Variants in RUFY3 observed in about 807,000 individuals in gnomAD.
The protein encoded by RUFY3 is protein RUFY3.
A neutral mutation model predicts 84.0 loss-of-function variants in RUFY3; 34 were observed. That is an observed-to-expected ratio of 0.40 (90% CI 0.31 to 0.54). The LOEUF (loss-of-function observed/expected upper bound fraction) is 0.54. Ranked by LOEUF, RUFY3 falls within the 20% of genes least tolerant of loss-of-function variation. The pLI, the probability that RUFY3 is intolerant of heterozygous loss-of-function variation, is 0.39. For synonymous variants in RUFY3, 242 were observed against 252.9 expected (o/e 0.96, Z 0.41); for missense variants, 507 against 736.8 (o/e 0.69, Z 3.61).
intron 1 of RUFY3, among the ~76,000 whole-genome samples, chr4:70,713,978 AG>A (rs1212596370): frequency 6.6e-6 from 1 of 152,228 alleles, no homozygotes; most frequent in East Asian, 1.9e-4. Flanking sequence ...CACTTATCAT[AG>A]TGCAGTTATG....
upstream of RUFY3, chr4:70,704,301 C>CAAAA (rs1190765869): frequency 1.3e-5 from 2 of 152,226 alleles, no homozygotes; most frequent in African/African-American, 2.4e-5. Context: ...GCTCAATACT[C>CAAAA]CAAACAGTGA....
rs532488105 is a variant in RUFY3 at position 70,715,959 on chromosome 4, A to C, written c.358+10665A>C. 4.6e-5 allele frequency among the ~76,000 whole-genome samples: 7 copies of C among 152,050 alleles called. No homozygotes were observed. In the South Asian group the frequency reaches 1.5e-3, roughly 32 times the overall value. ...AAACCCCATCTGTACTAAAAATATA[A>C]AAAATTAGCCAGGCATGAATGGCAT... On this transcript the variant is annotated intron_variant, in intron 1 of 11. Transcript: ENST00000417478.
At chr4:70,738,356 C>CTTTTTTT (rs60916183) in intron 1 of RUFY3, among the ~76,000 whole-genome samples, 1 of 60,540 alleles carries the variant, frequency 1.7e-5, no homozygotes, top group African/African-American at 8.3e-5. Flanking sequence ...GGTGTTTCAT[C>CTTTTTTT]TTTTTTTTTT....
At chr4:70,735,000 C>G (rs78433495) in intron 1 of RUFY3, among the ~76,000 whole-genome samples, 85 of 152,294 alleles carry the variant, frequency 5.6e-4, no homozygotes, top group Non-Finnish European at 1.1e-3. Flanking sequence ...GTCATTTGTC[C>G]TAAACTAATC....
At chr4:70,733,052 G>A (rs925919048) in intron 1 of RUFY3, among the ~76,000 whole-genome samples, 2 of 142,386 alleles carry the variant, frequency 1.4e-5, no homozygotes, top group Non-Finnish European at 3.0e-5. Flanking sequence ...GGGCAACAGA[G>A]TGAGACTCCA....
chr4:70,793,290 T>C, intron 12 of RUFY3: 1 of 997,268 alleles, frequency 1.0e-6, no homozygotes, highest in Non-Finnish European at 1.2e-6. Context: ...CATGATTTAA[T>C]ATATGTGGTT....
intron 1 of RUFY3, among the ~76,000 whole-genome samples, chr4:70,743,260 C>T (rs1037835747): frequency 6.6e-5 from 10 of 151,748 alleles, no homozygotes; most frequent in Non-Finnish European, 1.5e-4. Context: ...TTAGTAGAGA[C>T]GGGGTTTCAA....
chr4:70,738,942 A>G (rs1720858086), intron 1 of RUFY3, among the ~76,000 whole-genome samples: 2 of 150,410 alleles, frequency 1.3e-5, no homozygotes, highest in South Asian at 4.2e-4. Flanking sequence ...TCTTGAACTC[A>G]TGGGCTAGGC....
intron 1 of RUFY3, among the ~76,000 whole-genome samples, chr4:70,755,937 C>T (rs1400148277): frequency 3.4e-5 from 5 of 146,226 alleles, no homozygotes; most frequent in East Asian, 2.0e-4. Flanking sequence ...GGTGACAGAG[C>T]GAGATTCTGT....
At chr4:70,718,853 T>C (rs1347718137), upstream of RUFY3, among the ~76,000 whole-genome samples, 2 of 151,940 alleles carry the variant, frequency 1.3e-5, no homozygotes, top group African/African-American at 4.8e-5. Flanking sequence ...GAGTAGCAGA[T>C]TACAGGCATG....
intron 1 of RUFY3, among the ~76,000 whole-genome samples, chr4:70,750,313 A>G (rs1185156249): frequency 6.6e-6 from 1 of 152,206 alleles, no homozygotes; most frequent in Non-Finnish European, 1.5e-5. Context: ...TTTTAAAGCA[A>G]ACTCCAAACA....
In RUFY3 at chr4:70,740,102, C is replaced by CT. The variant is rs1721087036; in HGVS notation, c.178+17352dup. Reference sequence around the variant, plus strand: ...TCTGAAAAGATTTAAGCTGGTGGCACTGTAAACATCTACCCTTAAGGTACA... The same window carrying CT: ...TCTGAAAAGATTTAAGCTGGTGGCACTTGTAAACATCTACCCTTAAGGTACA... On this transcript the variant is annotated intron_variant, in intron 1 of 17. Coordinates refer to ENST00000381006, the MANE Select transcript of RUFY3 (RefSeq NM_001037442.4). 3.3e-5 allele frequency among the ~76,000 whole-genome samples: 5 copies of CT among 151,982 alleles called. No homozygotes were observed. The South Asian group carries it at 1.0e-3, about 32-fold the overall frequency.
intron 1 of RUFY3, among the ~76,000 whole-genome samples, chr4:70,731,109 C>T (rs1309022322): frequency 6.6e-6 from 1 of 150,890 alleles, no homozygotes; most frequent in Non-Finnish European, 1.5e-5. Context: ...GCGATTTCGG[C>T]TCACTGCAAC....
At chr4:70,744,016 A>G (rs1456277713) in intron 1 of RUFY3, among the ~76,000 whole-genome samples, 1 of 152,188 alleles carries the variant, frequency 6.6e-6, no homozygotes, top group Admixed American at 6.6e-5. Context: ...TTACCTGCAC[A>G]TAACACACAA....
chr4:70,707,328 TG>T (rs1290122057), intron 1 of RUFY3, among the ~76,000 whole-genome samples: 1 of 152,200 alleles, frequency 6.6e-6, no homozygotes, highest in Admixed American at 6.5e-5. Context: ...GCATGACCTC[TG>T]CTCACTGCAA....
rs1253451136 is a variant in RUFY3 at position 70,744,684 on chromosome 4, C to T, written c.179-17835C>T. Among the ~76,000 whole-genome samples the T allele has an allele frequency of 9.3e-5, 11 of 118,228 alleles. No individual in the cohort carries two copies. In the East Asian group the frequency reaches 2.2e-3, roughly 24 times the overall value. 77.6% of individuals were successfully genotyped at this position (118,228 alleles called of 152,430 possible). On this transcript the variant is annotated intron_variant, in intron 1 of 17. Coordinates refer to ENST00000381006, the MANE Select transcript of RUFY3 (RefSeq NM_001037442.4). Reference sequence around the variant, plus strand: ...TTTTTTTTTTTTTGAGATGGAGTTTCGCTCTTGTTGCCCAGGCTGGAGTGC... The same window carrying T: ...TTTTTTTTTTTTTGAGATGGAGTTTTGCTCTTGTTGCCCAGGCTGGAGTGC...
chr4:70,733,162 G>C (rs772438282), intron 1 of RUFY3, among the ~76,000 whole-genome samples: 1 of 140,702 alleles, frequency 7.1e-6, no homozygotes, highest in African/African-American at 3.0e-5. Flanking sequence ...GAGAGAGAGA[G>C]AGAGAAAGAA....
intron 14 of RUFY3, among the ~76,000 whole-genome samples, chr4:70,796,423 A>C (rs1342846626): frequency 1.3e-5 from 2 of 152,158 alleles, no homozygotes; most frequent in African/African-American, 2.4e-5. Flanking sequence ...AAGTTGTTAC[A>C]TCTCCTGTTA....
chr4:70,705,310 G>A (rs1454963021), intron 1 of RUFY3: 6 of 1,355,456 alleles, frequency 4.4e-6, no homozygotes, highest in South Asian at 1.8e-5. Flanking sequence ...TGGCGGAGGG[G>A]CATGGGGACG....
Sources: gnomAD v4.1 joint callset for allele counts (sites outside exome capture counted in the v4.1 genomes callset) on GRCh38, gnomAD v4.1.1 for gene constraint, MANE v1.5 for transcripts, NCBI Gene and HGNC (gene_info 2026-07-23, HGNC 2026-07-21) for gene names.